The following CDKL5 variants were observed in gnomAD, a reference collection of about 807,000 sequenced individuals.
CDKL5 encodes the protein cyclin dependent kinase like 5, also known as cyclin-dependent kinase-like 5.
Under a neutral mutation model 61.7 loss-of-function variants are expected in CDKL5, and 8 were observed. That is an observed-to-expected ratio of 0.13 (90% CI 0.08 to 0.23). CDKL5 has a LOEUF of 0.23. Among genes scored for constraint, CDKL5 ranks in the 10% least tolerant of loss-of-function variants. The probability of loss-of-function intolerance (pLI) is 1.00; values close to 1 mark genes in which losing one functional copy is unlikely to be tolerated. For synonymous variants in CDKL5, 275 were observed against 272.3 expected (o/e 1.01, Z -0.10); for missense variants, 440 against 734.5 (o/e 0.60, Z 4.63).
At chrX:18,578,803 G>T (rs1168058590) in intron 5 of CDKL5, among the ~76,000 whole-genome samples, 4 of 111,812 alleles carry the variant, frequency 3.6e-5, no homozygotes, top group South Asian at 3.7e-4. Flanking sequence ...TTCCAAAAAA[G>T]ACATGTACTC....
chrX:18,588,277 A>G (rs1288732016), intron 9 of CDKL5, 134 bp downstream of exon 9: 4 of 465,335 alleles, frequency 8.6e-6, no homozygotes, highest in Non-Finnish European at 1.4e-5. Flanking sequence ...AATCCCTATT[A>G]TAATATTTTA....
chrX:18,652,390 T>C (rs1020206592), intron 21 of CDKL5, among the ~76,000 whole-genome samples: 1 of 112,283 alleles, frequency 8.9e-6, no homozygotes, highest in African/African-American at 3.2e-5. Flanking sequence ...GATCCAAGGC[T>C]GGGTGCAGTG....
intron 10 of CDKL5, among the ~76,000 whole-genome samples, chrX:18,598,237 TA>T (rs1449845870): frequency 9.0e-6 from 1 of 111,358 alleles, no homozygotes; most frequent in Admixed American, 9.6e-5. Context: ...AAAATATGTA[TA>T]TAGGATATTC....
At chrX:18,644,293 T>C, downstream of CDKL5, 1 of 586,819 alleles carries the variant, frequency 1.7e-6, no homozygotes, top group East Asian at 3.4e-5. Context: ...GCACAGCACA[T>C]TGTGGGGGAA....
At chrX:18,450,985 C>T (rs766336742) in intron 1 of CDKL5, among the ~76,000 whole-genome samples, 1 of 110,381 alleles carries the variant, frequency 9.1e-6, no homozygotes, top group East Asian at 2.8e-4. Flanking sequence ...ATCCATGACA[C>T]CTCTGTGAGA....
intron 19 of CDKL5, among the ~76,000 whole-genome samples, chrX:18,645,779 G>A (rs759940441): frequency 1.8e-5 from 2 of 110,502 alleles, no homozygotes; most frequent in South Asian, 3.9e-4. Context: ...ATTATCACCC[G>A]ATACTCCCTT....
intron 3 of CDKL5, among the ~76,000 whole-genome samples, chrX:18,516,194 T>C (rs1298890020): frequency 9.0e-6 from 1 of 111,364 alleles, no homozygotes; most frequent in African/African-American, 3.3e-5. Flanking sequence ...TTTCACCATG[T>C]TGGCCATGCT....
intron 3 of CDKL5, among the ~76,000 whole-genome samples, chrX:18,562,564 T>G (rs986043503): frequency 1.3e-4 from 15 of 112,248 alleles, no homozygotes; most frequent in Non-Finnish European, 3.8e-5. Flanking sequence ...TATATCCTTT[T>G]TGTACCCTTT....
chrX:18,520,447 G>A (rs910012975), intron 3 of CDKL5, among the ~76,000 whole-genome samples: 1 of 111,820 alleles, frequency 8.9e-6, no homozygotes, highest in African/African-American at 3.3e-5. Flanking sequence ...ATACTGTTTC[G>A]TGTTGTATGA....
intron 17 of CDKL5, 33 bp from the exon 18 acceptor site, chrX:18,628,338 G>A: frequency 1.7e-6 from 2 of 1,199,981 alleles, no homozygotes; most frequent in Non-Finnish European, 2.3e-6. Context: ...GCTCTAACTT[G>A]AATCCTGTGT....
intron 3 of CDKL5, among the ~76,000 whole-genome samples, chrX:18,556,313 ATGTGTGTG>A (rs369107915): frequency 7.3e-5 from 8 of 109,701 alleles, no homozygotes; most frequent in African/African-American, 2.3e-4. Context: ...CTCTTCAGTG[ATGTGTGTG>A]TGTGTGTGTG....
intron 15 of CDKL5, among the ~76,000 whole-genome samples, chrX:18,616,139 A>C (rs1396044432): frequency 1.8e-5 from 2 of 112,006 alleles, no homozygotes; most frequent in Admixed American, 1.9e-4. Flanking sequence ...CAGAGGGAAA[A>C]GGATCCAAGC....
intron 3 of CDKL5, among the ~76,000 whole-genome samples, chrX:18,548,869 AT>A: frequency 8.9e-6 from 1 of 112,244 alleles, no homozygotes; most frequent in South Asian, 3.7e-4. Flanking sequence ...TAAAGCAGCC[AT>A]ATCTCTCATG....
chrX:18,447,366 C>G (rs979108530), intron 1 of CDKL5, among the ~76,000 whole-genome samples: 3 of 111,394 alleles, frequency 2.7e-5, no homozygotes, highest in Non-Finnish European at 3.8e-5. Flanking sequence ...CATGTCCAAT[C>G]CTCTCCTAGC....
chrX:18,439,535 T>C (rs1012215866), intron 1 of CDKL5, among the ~76,000 whole-genome samples: 42 of 111,204 alleles, frequency 3.8e-4, no homozygotes, highest in African/African-American at 1.0e-3. Flanking sequence ...TTGTGGTTAC[T>C]GAGTGCATAT....
At chrX:18,621,399 AAT>A (rs965979213) in intron 16 of CDKL5, among the ~76,000 whole-genome samples, 6 of 112,141 alleles carry the variant, frequency 5.4e-5, no homozygotes, top group African/African-American at 1.9e-4. Context: ...TTATAAAATA[AAT>A]ATGAGTTCAT....
chrX:18,602,221 G>A (rs1308768132), intron 11 of CDKL5, among the ~76,000 whole-genome samples: 1 of 112,170 alleles, frequency 8.9e-6, no homozygotes, highest in Non-Finnish European at 1.9e-5. Flanking sequence ...GGGGGTGGAG[G>A]ACGGATTGGA....
chrX:18,644,385 C>G, downstream of CDKL5: 5 of 1,165,104 alleles, frequency 4.3e-6, no homozygotes, highest in African/African-American at 1.8e-5. Context: ...AGGGGAAGTC[C>G]CAGAGGGTGC....
intron 1 of CDKL5, among the ~76,000 whole-genome samples, chrX:18,445,227 G>A (rs1473956312): frequency 4.6e-5 from 5 of 109,798 alleles, no homozygotes; most frequent in East Asian, 2.9e-4. Flanking sequence ...ACAGGCACAC[G>A]CCACCACGCC....
Sources: allele counts gnomAD v4.1 joint callset (sites outside exome capture counted in the v4.1 genomes callset), GRCh38; gene constraint gnomAD v4.1.1; transcripts MANE v1.5; gene names NCBI Gene and HGNC (gene_info 2026-07-23, HGNC 2026-07-21).